The following RYR1 variants were observed in gnomAD, a reference collection of about 807,000 sequenced individuals.
RYR1 encodes ryanodine receptor 1.
Under a neutral mutation model 583.5 loss-of-function variants are expected in RYR1, and 342 were observed. The ratio of observed to expected loss-of-function variants is 0.59; its 90% confidence interval spans 0.54 to 0.64. The LOEUF (loss-of-function observed/expected upper bound fraction) is 0.64. RYR1 is among the 30% of genes least tolerant of loss of function. The pLI, the probability that RYR1 is intolerant of heterozygous loss-of-function variation, is 0.00. For synonymous variants in RYR1, 2,791 were observed against 2,822.5 expected (o/e 0.99, Z 0.35); for missense variants, 6,032 against 6,917.2 (o/e 0.87, Z 4.54).
intron 29 of RYR1, among the ~76,000 whole-genome samples, chr19:38,477,458 G>T (rs1309128948): frequency 1.3e-5 from 2 of 152,092 alleles, no homozygotes; most frequent in African/African-American, 4.8e-5. Context: ...TTATTTATTT[G>T]TCAGTCTACT....
At chr19:38,447,067 A>T (rs1010050785) in intron 9 of RYR1, among the ~76,000 whole-genome samples, 1 of 152,106 alleles carries the variant, frequency 6.6e-6, no homozygotes, top group African/African-American at 2.4e-5. Context: ...AATAAATAAA[A>T]TAAAGAATTA....
Position 38,475,386 on chromosome 19 carries a change from T to C in RYR1, c.4229T>C (p.Leu1410Pro). ...QPPATPTLPR[L>P]PHDVVPADNR... ...CCGGCCACCCCCACGCTGCCCCGAC[T>C]CCCTCACGACGTGGTGCCTGCAGAC... is the stretch of plus-strand genomic sequence containing the variant. The change falls in exon 29 of 106, where the codon CTC becomes CCC. Residue 1410 changes from leucine (L) to proline (P), a missense_variant. Leu to Pro is a moderately conservative substitution (Grantham distance 98). This residue lies in a region of RYR1 where 2,627 missense variants were observed against 2,961.3 expected (regional missense o/e 0.89). Transcript: ENST00000359596. 1 of 1,613,754 alleles carries C rather than the reference T, an allele frequency of 6.2e-7. No homozygotes were observed. The highest frequency in any genetic ancestry group is 8.5e-7 in the Non-Finnish European group (1 of 1,179,888).
At chr19:38,491,826 A>G (rs911424797) in intron 37 of RYR1, among the ~76,000 whole-genome samples, 1 of 152,096 alleles carries the variant, frequency 6.6e-6, no homozygotes, top group African/African-American at 2.4e-5. Context: ...CAGCTCAAAT[A>G]TGCTGTTGAA....
rs2145564113 is a variant in RYR1, at chr19:38,490,632, A to G, written c.6027A>G (p.Leu2009=). The change falls in exon 37 of 106, where the codon CTA becomes CTG. Residue 2009 remains leucine (L), a synonymous_variant. Coordinates refer to ENST00000359596, the MANE Select transcript of RYR1 (RefSeq NM_000540.3). Reference sequence around the variant, plus strand: ...TGACCTTCCCCTAGATCAATATGCTATTGCAATTCAAAGATGGTACAGATG... The same window carrying G: ...TGACCTTCCCCTAGATCAATATGCTGTTGCAATTCAAAGATGGTACAGATG... ...RSPPQEQINM[L]LQFKDGTDEE... 12 of 1,602,134 alleles carry G rather than the reference A, an allele frequency of 7.5e-6. No homozygotes were observed. Among genetic ancestry groups the G allele is most frequent in the Non-Finnish European group, 1.0e-5 (12 of 1,169,048 alleles).
At chr19:38,434,799 G>A (rs1441275334) in intron 1 of RYR1, among the ~76,000 whole-genome samples, 1 of 152,100 alleles carries the variant, frequency 6.6e-6, no homozygotes, top group African/African-American at 2.4e-5. Context: ...CCTCTCCTCT[G>A]GGCTAGGTCT....
At chr19:38,469,203 C>G in intron 26 of RYR1, 63 bp downstream of exon 26, 1 of 1,608,076 alleles carries the variant, frequency 6.2e-7, no homozygotes, top group Non-Finnish European at 8.5e-7. Context: ...CAACCCTGCA[C>G]TGCCCTTCTG....
At position 38,512,097 on chromosome 19, in the gene RYR1, C is replaced by G. The variant is rs201863144; in HGVS notation, c.9198C>G (p.Asn3066Lys). The G allele has an allele frequency of 3.1e-6, 5 of 1,614,200 alleles. No individual in the cohort carries two copies. In the East Asian group the frequency reaches 8.9e-5, roughly 29 times the overall value. Reference protein sequence around the residue: ...LFGTDAPAVVNCLHILARSLD... With the variant: ...LFGTDAPAVVKCLHILARSLD... Reference sequence around the variant, plus strand: ...GGACAGACGCCCCAGCTGTGGTCAACTGTCTTCACATCCTGGCCCGCTCCC... The same window carrying G: ...GGACAGACGCCCCAGCTGTGGTCAAGTGTCTTCACATCCTGGCCCGCTCCC... Residue 3066 changes from asparagine (N) to lysine (K), a missense_variant, in exon 62 of 106, where the codon AAC (asparagine) becomes AAG (lysine). By Grantham distance (94) the Asn-to-Lys change is moderately conservative. Coordinates refer to ENST00000359596, the MANE Select transcript of RYR1 (RefSeq NM_000540.3). This position sits in a 1 kb window ranked among gnomAD's most constrained non-coding sequence, Gnocchi z 5.1.
intron 84 of RYR1, among the ~76,000 whole-genome samples, chr19:38,538,226 C>T (rs1005346103): frequency 1.3e-5 from 2 of 151,970 alleles, no homozygotes; most frequent in Non-Finnish European, 1.5e-5. Context: ...GGTGAAACCC[C>T]GTCTCTACTA....
chr19:38,434,762 TG>T (rs1454202423), intron 1 of RYR1, among the ~76,000 whole-genome samples: 1 of 152,008 alleles, frequency 6.6e-6, no homozygotes, highest in Non-Finnish European at 1.5e-5. Context: ...CCGCAGGGTG[TG>T]GGGTCGTAAA....
intron 67 of RYR1, among the ~76,000 whole-genome samples, chr19:38,522,555 G>T (rs1161816298): frequency 6.6e-6 from 1 of 152,028 alleles, no homozygotes; most frequent in Admixed American, 6.6e-5. Flanking sequence ...TGAGGTTGCA[G>T]TGAGTGGAGA....
intron 89 of RYR1, among the ~76,000 whole-genome samples, chr19:38,553,686 G>A (rs753507214): frequency 2.6e-5 from 4 of 152,064 alleles, no homozygotes; most frequent in Non-Finnish European, 4.4e-5. Context: ...ACAGCAAGGC[G>A]TGAAGTGAGA....
intron 94 of RYR1, among the ~76,000 whole-genome samples, chr19:38,571,030 G>A (rs1020077835): frequency 1.3e-5 from 2 of 152,224 alleles, no homozygotes; most frequent in Non-Finnish European, 2.9e-5. Context: ...ATTCTGTTAA[G>A]CATCTTTGGT....
intron 33 of RYR1, among the ~76,000 whole-genome samples, chr19:38,484,265 C>G (rs954160246): frequency 1.3e-5 from 2 of 152,152 alleles, no homozygotes; most frequent in Non-Finnish European, 2.9e-5. Flanking sequence ...GCACTCCAGC[C>G]TGGGCAACAG....
rs1423966462 is a variant in RYR1 at position 38,528,413 on chromosome 19, G to C, written c.10932G>C (p.Leu3644=). The change falls in exon 74 of 106, where the codon CTG becomes CTC. Residue 3644 remains leucine (L), a synonymous_variant. Transcript: ENST00000359596. ...TCCGTATGACGCCCCTGTACAACCTGCCCACGTAAGGCCCCCAGGGACAAG... is the reference window on the plus strand; with the variant it reads ...TCCGTATGACGCCCCTGTACAACCTCCCCACGTAAGGCCCCCAGGGACAAG... ...ACFRMTPLYN[L]PTHRACNMFL... is the part of the protein sequence containing the mutation. 4 of 1,613,958 alleles carry C rather than the reference G, an allele frequency of 2.5e-6. No homozygotes were observed. The highest frequency in any genetic ancestry group is 1.6e-4 in the Middle Eastern group (1 of 6,084).
intron 29 of RYR1, among the ~76,000 whole-genome samples, chr19:38,476,347 C>G (rs568596421): frequency 6.6e-6 from 1 of 152,206 alleles, no homozygotes; most frequent in Non-Finnish European, 1.5e-5. Context: ...TATGGGCACA[C>G]GCCACCATGC....
At chr19:38,558,704 T>A (rs1568572701) in intron 89 of RYR1, among the ~76,000 whole-genome samples, 2 of 152,036 alleles carry the variant, frequency 1.3e-5, no homozygotes, top group Non-Finnish European at 2.9e-5. Flanking sequence ...GCTTGAACCC[T>A]GGAGGCAGAG....
intron 33 of RYR1, among the ~76,000 whole-genome samples, chr19:38,485,364 G>A (rs1314685793): frequency 1.3e-5 from 2 of 152,198 alleles, no homozygotes; most frequent in Admixed American, 6.5e-5. Context: ...CCCTGCTGCA[G>A]CCTTCGACAC....
chr19:38,562,677 C>G (rs1368234979), intron 90 of RYR1, among the ~76,000 whole-genome samples: 2 of 152,144 alleles, frequency 1.3e-5, no homozygotes, highest in Non-Finnish European at 2.9e-5. Flanking sequence ...GCCTGCCTCA[C>G]GCACACTGCA....
chr19:38,548,302 A>T lies in RYR1; in HGVS notation c.12164A>T (p.Glu4055Val). The change falls in exon 89 of 106, where the codon GAG becomes GTG. Residue 4055 changes from glutamate to valine, a missense_variant. Physicochemically the swap from Glu to Val is moderately radical, Grantham distance 121. This residue lies in a region of RYR1 where 753 missense variants were observed against 759.6 expected (regional missense o/e 0.99). Coordinates refer to ENST00000359596, the MANE Select transcript of RYR1 (RefSeq NM_000540.3). ...CTCGTGGAATCCTCATCCAATGTGGAGATGATCCTCAAGTTCTTCGACATG... is the reference window on the plus strand; with the variant it reads ...CTCGTGGAATCCTCATCCAATGTGGTGATGATCCTCAAGTTCTTCGACATG... ...DMLVESSSNVEMILKFFDMFL... is the reference protein window; with the variant it reads ...DMLVESSSNVVMILKFFDMFL... 6.2e-7 allele frequency: 1 copy of T among 1,614,208 alleles called. No individual in the cohort carries two copies. The highest frequency in any genetic ancestry group is 8.5e-7 in the Non-Finnish European group (1 of 1,180,048).
Sources: gnomAD v4.1 joint callset for allele counts (sites outside exome capture counted in the v4.1 genomes callset) on GRCh38, gnomAD v4.1.1 for gene constraint, gnomAD v4.1.1 regional missense constraint, Gnocchi (gnomAD v3.1) non-coding constraint, MANE v1.5 for transcripts, NCBI Gene and HGNC (gene_info 2026-07-23, HGNC 2026-07-21) for gene names.